Variants in GPC5 observed in about 807,000 individuals in gnomAD.
GPC5 encodes the protein glypican-5.
In GPC5, 47 loss-of-function variants were observed where a neutral mutation model predicts 53.9. The observed-to-expected ratio is 0.87, with a 90% CI of 0.69 to 1.11. The LOEUF (loss-of-function observed/expected upper bound fraction) is 1.11, where lower values mean the gene tolerates loss of function less well. GPC5 is among the 50% of genes most tolerant of loss of function. GPC5 has a pLI of 0.00. For missense variants in GPC5, 748 were observed against 713.1 expected (o/e 1.05, Z -0.56); for synonymous variants, 286 against 263.3 (o/e 1.09, Z -0.84).
intron 2 of GPC5, among the ~76,000 whole-genome samples, chr13:91,520,738 A>ATG (rs1885767078): frequency 1.3e-5 from 2 of 151,578 alleles, no homozygotes; most frequent in Non-Finnish European, 2.9e-5. Context: ...GTGTGTGTAT[A>ATG]TATATATATA....
chr13:92,031,835 A>AATATATTACATATTATATATAAT (rs2040851712), intron 6 of GPC5, among the ~76,000 whole-genome samples: 3 of 82,042 alleles, frequency 3.7e-5, no homozygotes, highest in African/African-American at 1.6e-4. Context: ...TATAATATAT[A>AATATATTACATATTATATATAAT]ATATATTACA....
chr13:92,108,976 A>C (rs2041531512), intron 6 of GPC5, among the ~76,000 whole-genome samples: 1 of 151,146 alleles, frequency 6.6e-6, no homozygotes, highest in Non-Finnish European at 1.5e-5. Context: ...TCTCAAACAG[A>C]CCCTCATAAT....
At chr13:92,814,219 A>C (rs118061596) in intron 7 of GPC5, among the ~76,000 whole-genome samples, 1,912 of 152,102 alleles carry the variant, frequency 0.013, 31 homozygotes, top group South Asian at 0.057. Context: ...TTAACTCAAA[A>C]TCTACCACAG....
At chr13:92,664,870 T>C (rs2139194141) in intron 7 of GPC5, among the ~76,000 whole-genome samples, 1 of 152,272 alleles carries the variant, frequency 6.6e-6, no homozygotes, top group East Asian at 1.9e-4. Flanking sequence ...TAAAAATACT[T>C]ATTACAGTAT....
At chr13:91,663,120 A>G (rs2035024201) in intron 2 of GPC5, among the ~76,000 whole-genome samples, 1 of 152,224 alleles carries the variant, frequency 6.6e-6, no homozygotes, top group Non-Finnish European at 1.5e-5. Flanking sequence ...AGGTAAGAAT[A>G]CAAACGTTCT....
At chr13:92,367,400 C>T (rs890154927) in intron 7 of GPC5, among the ~76,000 whole-genome samples, 8 of 152,136 alleles carry the variant, frequency 5.3e-5, no homozygotes, top group African/African-American at 1.9e-4. Flanking sequence ...TGCCATAAAA[C>T]ACCTCTGTGA....
chr13:92,577,922 T>C (rs116239328), intron 7 of GPC5, among the ~76,000 whole-genome samples: 1,919 of 152,312 alleles, frequency 0.013, 52 homozygotes, highest in African/African-American at 0.044. Context: ...GTCAAAATGA[T>C]ATTGGCACAT....
At chr13:92,865,261 C>T (rs1331426960) in intron 7 of GPC5, among the ~76,000 whole-genome samples, 1 of 152,062 alleles carries the variant, frequency 6.6e-6, no homozygotes, top group Non-Finnish European at 1.5e-5. Flanking sequence ...AACACTTTAT[C>T]CCTAACTTCA....
At chr13:91,496,022 C>CA (rs201936956) in intron 2 of GPC5, among the ~76,000 whole-genome samples, 26,848 of 147,714 alleles carry the variant, frequency 0.18, 2,589 homozygotes, top group African/African-American at 0.25. Context: ...GACTCTGTCT[C>CA]AAAAAAAATA....
intron 2 of GPC5, among the ~76,000 whole-genome samples, chr13:91,638,460 A>C (rs1397239782): frequency 6.6e-6 from 1 of 151,386 alleles, no homozygotes; most frequent in Non-Finnish European, 1.5e-5. Context: ...CTGCCTCCCC[A>C]GTTCAAGCAA....
At chr13:91,662,479 A>G (rs1023451808) in intron 2 of GPC5, among the ~76,000 whole-genome samples, 2 of 152,186 alleles carry the variant, frequency 1.3e-5, no homozygotes, top group Admixed American at 1.3e-4. Context: ...ATAATGTATA[A>G]ATCTTGAGTA....
intron 7 of GPC5, among the ~76,000 whole-genome samples, chr13:92,768,814 T>C (rs536719117): frequency 1.3e-5 from 2 of 151,486 alleles, no homozygotes; most frequent in Non-Finnish European, 2.9e-5. Context: ...GTCCACCCTC[T>C]CCCAGCTGCA....
chr13:92,138,132 A>G (rs2041799608), intron 6 of GPC5, among the ~76,000 whole-genome samples: 1 of 152,152 alleles, frequency 6.6e-6, no homozygotes, highest in Non-Finnish European at 1.5e-5. Context: ...AATATATGGG[A>G]CAGCTATTCA....
chr13:92,278,636 A>C (rs372149568), intron 7 of GPC5, among the ~76,000 whole-genome samples: 1 of 152,010 alleles, frequency 6.6e-6, no homozygotes, highest in East Asian at 1.9e-4. Context: ...TTACCCTGTG[A>C]TTTCTTTCAA....
chr13:92,779,160 G>C (rs1875930713), intron 7 of GPC5, among the ~76,000 whole-genome samples: 1 of 152,106 alleles, frequency 6.6e-6, no homozygotes, highest in South Asian at 2.1e-4. Context: ...ATCTCACATG[G>C]TGGCAGACAA....
intron 6 of GPC5, among the ~76,000 whole-genome samples, chr13:92,097,168 C>T (rs148999533): frequency 1.1e-4 from 17 of 152,218 alleles, no homozygotes; most frequent in African/African-American, 4.1e-4. Context: ...TACATAGTGG[C>T]AGAAAGTTTA....
intron 6 of GPC5, among the ~76,000 whole-genome samples, chr13:92,087,075 C>G (rs2041341788): frequency 6.6e-6 from 1 of 152,186 alleles, no homozygotes; most frequent in Non-Finnish European, 1.5e-5. Context: ...TGCAACTGTT[C>G]AAACACATGC....
intron 3 of GPC5, among the ~76,000 whole-genome samples, chr13:91,727,497 T>G (rs144894217): frequency 6.6e-6 from 1 of 152,338 alleles, no homozygotes; most frequent in African/African-American, 2.4e-5. Context: ...ATATTTTCCC[T>G]ATTATAACAT....
chr13:91,707,245 A>G (rs192576264), intron 3 of GPC5, among the ~76,000 whole-genome samples: 5 of 152,292 alleles, frequency 3.3e-5, no homozygotes, highest in African/African-American at 4.8e-5. Context: ...GATGTTTAAC[A>G]TTGTTAGTCA....
Sources: gnomAD v4.1 joint callset for allele counts (sites outside exome capture counted in the v4.1 genomes callset) on GRCh38, gnomAD v4.1.1 for gene constraint, MANE v1.5 for transcripts, NCBI Gene and HGNC (gene_info 2026-07-23, HGNC 2026-07-21) for gene names.